Variants in TRAPPC9 observed in about 807,000 individuals in gnomAD.
TRAPPC9 encodes trafficking protein particle complex subunit 9.
Under a neutral mutation model 124.0 loss-of-function variants are expected in TRAPPC9, and 83 were observed. That is an observed-to-expected ratio of 0.67 (90% CI 0.56 to 0.80). TRAPPC9 has a LOEUF of 0.80. Among genes scored for constraint, TRAPPC9 ranks in the 30% least tolerant of loss-of-function variants. TRAPPC9 has a pLI of 0.00. For synonymous variants in TRAPPC9, 638 were observed against 617.5 expected (o/e 1.03, Z -0.49); for missense variants, 1,302 against 1,508.3 (o/e 0.86, Z 2.27).
chr8:139,872,823 G>A (rs1587055358), intron 21 of TRAPPC9, among the ~76,000 whole-genome samples: 1 of 1,122 alleles, frequency 8.9e-4, no homozygotes, highest in Non-Finnish European at 1.7e-3. Context: ...TGGGTGGATG[G>A]GTGGGTGGGT....
At chr8:140,307,034 C>T (rs1440860201) in intron 10 of TRAPPC9, among the ~76,000 whole-genome samples, 1 of 152,170 alleles carries the variant, frequency 6.6e-6, no homozygotes, top group African/African-American at 2.4e-5. Flanking sequence ...CACACGGTCT[C>T]CTTGCAGCCA....
chr8:139,946,838 T>C (rs1234760751), intron 19 of TRAPPC9, among the ~76,000 whole-genome samples: 2 of 129,174 alleles, frequency 1.5e-5, no homozygotes, highest in Non-Finnish European at 3.3e-5. Flanking sequence ...AAAAAAAAAA[T>C]TATCCAGGCA....
intron 17 of TRAPPC9, among the ~76,000 whole-genome samples, chr8:140,184,697 C>T (rs1472984106): frequency 6.6e-6 from 1 of 152,236 alleles, no homozygotes; most frequent in Non-Finnish European, 1.5e-5. Flanking sequence ...ATCCACCTGC[C>T]TTGGCCTCCC....
chr8:140,430,686 T>G (rs988763976), intron 4 of TRAPPC9, among the ~76,000 whole-genome samples: 4 of 152,234 alleles, frequency 2.6e-5, no homozygotes, highest in Admixed American at 2.0e-4. Flanking sequence ...TAGCCCAGGC[T>G]GGAGTGCAGT....
At chr8:140,402,699 A>G (rs1229987065) in intron 6 of TRAPPC9, among the ~76,000 whole-genome samples, 1 of 152,102 alleles carries the variant, frequency 6.6e-6, no homozygotes, top group Non-Finnish European at 1.5e-5. Context: ...CTGTCTCAAA[A>G]AAAAAAAAGA....
At chr8:140,139,058 A>C (rs2061345151) in intron 17 of TRAPPC9, among the ~76,000 whole-genome samples, 1 of 152,198 alleles carries the variant, frequency 6.6e-6, no homozygotes, top group African/African-American at 2.4e-5. Flanking sequence ...TAGGCACAGA[A>C]GTCCACATCA....
chr8:140,217,418 C>G (rs2063221533), intron 17 of TRAPPC9, among the ~76,000 whole-genome samples: 1 of 152,116 alleles, frequency 6.6e-6, no homozygotes, highest in Non-Finnish European at 1.5e-5. Flanking sequence ...TGAGAACAGG[C>G]TGCGCAATGA....
intron 9 of TRAPPC9, among the ~76,000 whole-genome samples, chr8:140,355,820 A>G (rs1239049270): frequency 6.6e-6 from 1 of 152,206 alleles, no homozygotes; most frequent in Non-Finnish European, 1.5e-5. Flanking sequence ...TCACATTTAC[A>G]TATTTTACAC....
chr8:139,830,274 CACA>C (rs1283275926), intron 21 of TRAPPC9, among the ~76,000 whole-genome samples: 4 of 144,364 alleles, frequency 2.8e-5, no homozygotes, highest in Non-Finnish European at 5.9e-5. Flanking sequence ...TGCATACACA[CACA>C]AATGAGCATA....
At chr8:140,069,387 C>T (rs1014888429) in intron 17 of TRAPPC9, among the ~76,000 whole-genome samples, 2 of 151,962 alleles carry the variant, frequency 1.3e-5, no homozygotes, top group Admixed American at 6.6e-5. Flanking sequence ...CCTTAAACGG[C>T]GGGGGTGGAA....
At chr8:140,068,611 T>C (rs1842991534) in intron 17 of TRAPPC9, among the ~76,000 whole-genome samples, 1 of 152,248 alleles carries the variant, frequency 6.6e-6, no homozygotes, top group African/African-American at 2.4e-5. Flanking sequence ...ATCAGGCCGC[T>C]AGTTAAACAA....
intron 7 of TRAPPC9, among the ~76,000 whole-genome samples, chr8:140,387,156 A>G (rs375330879): frequency 1.3e-5 from 2 of 152,230 alleles, no homozygotes; most frequent in Non-Finnish European, 2.9e-5. Context: ...CACCTTATAC[A>G]AAAATTAATT....
chr8:140,074,735 T>G (rs1490210338), intron 17 of TRAPPC9, among the ~76,000 whole-genome samples: 1 of 152,018 alleles, frequency 6.6e-6, no homozygotes, highest in African/African-American at 2.4e-5. Context: ...ACAATCTGAT[T>G]GTGGGCAATG....
intron 20 of TRAPPC9, among the ~76,000 whole-genome samples, chr8:139,902,533 A>G (rs942869200): frequency 1.3e-5 from 2 of 152,260 alleles, no homozygotes; most frequent in African/African-American, 4.8e-5. Flanking sequence ...CATTTTACTT[A>G]AGATGATCAA....
intron 10 of TRAPPC9, among the ~76,000 whole-genome samples, chr8:140,308,209 G>A (rs148639532): frequency 1.3e-5 from 2 of 151,908 alleles, no homozygotes; most frequent in Admixed American, 6.6e-5. Context: ...AAGCAGGAGC[G>A]TAGGACCAAG....
intron 17 of TRAPPC9, among the ~76,000 whole-genome samples, chr8:140,131,147 T>C (rs990368002): frequency 6.6e-6 from 1 of 152,196 alleles, no homozygotes; most frequent in Admixed American, 6.5e-5. Flanking sequence ...CAAATTTAGA[T>C]TGTTTCCAAT....
At position 139,984,787 on chromosome 8, in the gene TRAPPC9, GAT is replaced by G. The variant is rs1479798656; in HGVS notation, c.2810+3937_2810+3938del. Among the ~76,000 whole-genome samples, 2 of 152,202 alleles carry G rather than the reference GAT, an allele frequency of 1.3e-5. No homozygotes were observed. The highest frequency in any genetic ancestry group is 4.8e-5 in the African/African-American group (2 of 41,448). On this transcript the variant is annotated intron_variant, in intron 19 of 22. Coordinates refer to ENST00000438773, the MANE Select transcript of TRAPPC9 (RefSeq NM_001160372.4). This position sits in a 1 kb window ranked among gnomAD's most constrained non-coding sequence, Gnocchi z 4.3. ...CTAGGGCTCAGGGCAGAGTTGCATG[GAT>G]TCATGGGTATCCCCAGCAGTGGGCA...
chr8:140,344,948 T>G (rs1233541638), intron 9 of TRAPPC9, among the ~76,000 whole-genome samples: 2 of 152,248 alleles, frequency 1.3e-5, no homozygotes, highest in Non-Finnish European at 2.9e-5. Context: ...GACTTCCTGA[T>G]GTACTAGACG....
chr8:140,092,490 C>T (rs78716812), intron 17 of TRAPPC9, among the ~76,000 whole-genome samples: 2,270 of 152,214 alleles, frequency 0.015, 176 homozygotes, highest in Admixed American at 0.13. Flanking sequence ...AGCCACCACG[C>T]GCGGCCACAG....
Sources: allele counts gnomAD v4.1 joint callset (sites outside exome capture counted in the v4.1 genomes callset), GRCh38; gene constraint gnomAD v4.1.1; non-coding constraint Gnocchi (gnomAD v3.1); transcripts MANE v1.5; gene names NCBI Gene and HGNC (gene_info 2026-07-23, HGNC 2026-07-21).